PKNOX1: variants seen among roughly 807,000 people sequenced by gnomAD.
PKNOX1 encodes the protein PBX/knotted 1 homeobox 1.
Under a neutral mutation model 51.9 loss-of-function variants are expected in PKNOX1, and 15 were observed. The ratio of observed to expected loss-of-function variants is 0.29; its 90% confidence interval spans 0.19 to 0.45. PKNOX1 has a LOEUF of 0.45. Ranked by LOEUF, PKNOX1 falls within the 20% of genes least tolerant of loss-of-function variation. The pLI, the probability that PKNOX1 is intolerant of heterozygous loss-of-function variation, is 1.00. For synonymous variants in PKNOX1, 219 were observed against 211.1 expected (o/e 1.04, Z -0.32); for missense variants, 462 against 547.5 (o/e 0.84, Z 1.56).
intron 8 of PKNOX1, among the ~76,000 whole-genome samples, chr21:43,022,436 A>G (rs1979803937): frequency 6.6e-6 from 1 of 152,134 alleles, no homozygotes; most frequent in Non-Finnish European, 1.5e-5. Flanking sequence ...CATGGGAGTG[A>G]CTGGCCTGAG....
intron 2 of PKNOX1, among the ~76,000 whole-genome samples, chr21:43,006,440 T>TA (rs1978990691): frequency 6.6e-6 from 1 of 152,166 alleles, no homozygotes; most frequent in Non-Finnish European, 1.5e-5. Flanking sequence ...TAAGGCTTTT[T>TA]ATACATGCTG....
At chr21:43,008,792 AT>A (rs397774482) in intron 3 of PKNOX1, among the ~76,000 whole-genome samples, 17 of 151,576 alleles carry the variant, frequency 1.1e-4, no homozygotes, top group African/African-American at 2.2e-4. Context: ...AAAAAAAAAA[AT>A]TTTTTTTTAA....
chr21:43,000,086 T>TATGAA (rs1568894320), intron 1 of PKNOX1, among the ~76,000 whole-genome samples: 2 of 152,136 alleles, frequency 1.3e-5, no homozygotes, highest in African/African-American at 4.8e-5. Context: ...CATATAATTA[T>TATGAA]CAGCATTTTT....
chr21:43,027,847 C>T (rs758871402), intron 9 of PKNOX1, among the ~76,000 whole-genome samples: 4 of 152,008 alleles, frequency 2.6e-5, no homozygotes, highest in African/African-American at 7.3e-5. Context: ...ACCCAGGAGG[C>T]GGAGGTTGCG....
At chr21:43,016,130 G>A (rs1414211621) in intron 5 of PKNOX1, among the ~76,000 whole-genome samples, 2 of 152,142 alleles carry the variant, frequency 1.3e-5, no homozygotes, top group Admixed American at 6.5e-5. Flanking sequence ...TTGGGGTGGC[G>A]TCCCCTTATG....
chr21:42,978,428 G>A (rs2839608), intron 1 of PKNOX1, among the ~76,000 whole-genome samples: 5,765 of 151,116 alleles, frequency 0.038, 143 homozygotes, highest in Middle Eastern at 0.062. Flanking sequence ...TCAAAAATTG[G>A]AAAGAAACTT....
chr21:43,011,642 TCACTGGATTCC>T (rs1979259279), intron 4 of PKNOX1, among the ~76,000 whole-genome samples: 1 of 152,210 alleles, frequency 6.6e-6, no homozygotes. Context: ...CAGGGAACCT[TCACTGGATTCC>T]CTTCGAGCCA....
At position 43,029,985 on chromosome 21, in the gene PKNOX1, A is replaced by C. The variant is rs1980179918; in HGVS notation, c.1195A>C (p.Met399Leu). 6.2e-7 allele frequency: 1 copy of C among 1,614,012 alleles called. No homozygotes were observed. Among genetic ancestry groups the C allele is most frequent in the African/African-American group, 1.3e-5 (1 of 74,952 alleles). Residue 399 changes from methionine to leucine, a missense_variant, in exon 11 of 11, where the codon ATG becomes CTG. Transcript: ENST00000291547. ...DGATLAVQQV[M>L]MAGQSEDESV... ...GGCCACCCTGGCGGTGCAGCAGGTCATGATGGCAGGGCAGAGCGAGGACGA... is the reference window on the plus strand; with the variant it reads ...GGCCACCCTGGCGGTGCAGCAGGTCCTGATGGCAGGGCAGAGCGAGGACGA...
intron 1 of PKNOX1, among the ~76,000 whole-genome samples, chr21:42,978,006 C>G (rs1049878484): frequency 1.3e-5 from 2 of 152,060 alleles, no homozygotes; most frequent in Non-Finnish European, 2.9e-5. Flanking sequence ...AAGGCTGTTT[C>G]ACTTTCTTTC....
chr21:43,029,896 T>C lies in PKNOX1; in HGVS notation c.1106T>C (p.Val369Ala). 6.2e-7 allele frequency: 1 copy of C among 1,613,192 alleles called. No individual in the cohort carries two copies. Among genetic ancestry groups the C allele is most frequent in the Non-Finnish European group, 8.5e-7 (1 of 1,179,226 alleles). Residue 369 changes from valine (V) to alanine (A), a missense_variant, in exon 11 of 11, where the codon GTT (valine) becomes GCT (alanine). By Grantham distance (64) the Val-to-Ala change is moderately conservative. Around this residue, in one of 5 missense-constraint regions of PKNOX1, gnomAD observed 118 missense variants for 116.8 expected, o/e 1.01. Transcript: ENST00000291547. Reference sequence around the variant, plus strand: ...CACCTTCATCCTGCCGCAGGAGCTGTTGTCACCATCACCACGCCCGTGAAC... The same window carrying C: ...CACCTTCATCCTGCCGCAGGAGCTGCTGTCACCATCACCACGCCCGTGAAC... The part of the protein sequence containing the change: ...PSELTMSEGA[V>A]VTITTPVNMN...
At chr21:43,024,985 CG>C in intron 9 of PKNOX1, 38 bp downstream of exon 9, 2 of 1,280,634 alleles carry the variant, frequency 1.6e-6, no homozygotes, top group Non-Finnish European at 2.3e-6. Flanking sequence ...GCTGTCAGCA[CG>C]GTAGAGCACT....
In PKNOX1 at chr21:43,009,141, G is replaced by C. The variant is rs368644063; in HGVS notation, c.180-912G>C. ...ACAAGCCTGGCCAAAATGGCGAAAT[G>C]TTGTCTCTACTAAAACAAAAACTAG... On this transcript the variant is annotated intron_variant, in intron 3 of 10. Transcript: ENST00000291547. 5.3e-5 allele frequency among the ~76,000 whole-genome samples: 8 copies of C among 152,270 alleles called. No homozygotes were observed. In the South Asian group the frequency reaches 6.2e-4, roughly 12 times the overall value.
Position 43,030,998 on chromosome 21 carries a change from G to A in PKNOX1, c.*897G>A, listed in dbSNP as rs1232189619. ...TTTACACTTGATCTAAACATATATC[G>A]AAAGATATCTGCTAAACAGGACTTC... On this transcript the variant is annotated 3_prime_UTR_variant, in exon 11 of 11. Coordinates refer to ENST00000291547, the MANE Select transcript of PKNOX1 (RefSeq NM_004571.5). 2 of 152,256 alleles carry A rather than the reference G, an allele frequency of 1.3e-5. No individual in the cohort carries two copies. Among genetic ancestry groups the A allele is most frequent in the African/African-American group, 4.8e-5 (2 of 41,360 alleles). 9.4% of individuals were successfully genotyped at this position (152,256 alleles called of 1,614,324 possible).
At chr21:42,982,019 C>CT (rs2059029056) in intron 1 of PKNOX1, among the ~76,000 whole-genome samples, 1 of 152,232 alleles carries the variant, frequency 6.6e-6, no homozygotes, top group Non-Finnish European at 1.5e-5. Context: ...TCTGTTCCAT[C>CT]TGTACGCTCC....
intron 1 of PKNOX1, among the ~76,000 whole-genome samples, chr21:42,999,634 C>T (rs1978658638): frequency 6.6e-6 from 1 of 152,054 alleles, no homozygotes; most frequent in African/African-American, 2.4e-5. Context: ...GCGTGCACCA[C>T]CAAGCCCGGC....
At chr21:42,987,404 A>AAAAAATATATATATATATATATATAT in intron 1 of PKNOX1, among the ~76,000 whole-genome samples, 8 of 41,408 alleles carry the variant, frequency 1.9e-4, no homozygotes, top group Non-Finnish European at 3.4e-4. Flanking sequence ...AAAAAAAAAA[A>AAAAAATATATATATATATATATATAT]ATATATATAT....
chr21:42,995,599 AC>A (rs2146248772), intron 1 of PKNOX1, among the ~76,000 whole-genome samples: 2 of 148,266 alleles, frequency 1.3e-5, no homozygotes, highest in African/African-American at 4.9e-5. Context: ...GATTGCTTTA[AC>A]CTGGGAGGTT....
chr21:43,001,597 A>T (rs1226908466), intron 1 of PKNOX1, among the ~76,000 whole-genome samples: 1 of 152,174 alleles, frequency 6.6e-6, no homozygotes, highest in Non-Finnish European at 1.5e-5. Flanking sequence ...ACTGTCTTCT[A>T]GCACAGGCTG....
intron 1 of PKNOX1, among the ~76,000 whole-genome samples, chr21:42,987,404 A>AAAATATATATATATAT: frequency 1.7e-3 from 69 of 41,342 alleles, no homozygotes; most frequent in Non-Finnish European, 2.9e-3. Flanking sequence ...AAAAAAAAAA[A>AAAATATATATATATAT]ATATATATAT....
Sources: gnomAD v4.1 joint callset for allele counts (sites outside exome capture counted in the v4.1 genomes callset) on GRCh38, gnomAD v4.1.1 for gene constraint, gnomAD v4.1.1 regional missense constraint, MANE v1.5 for transcripts, NCBI Gene and HGNC (gene_info 2026-07-23, HGNC 2026-07-21) for gene names.